Variants in SLC24A1 observed in about 807,000 individuals in gnomAD.
The protein encoded by SLC24A1 is sodium/potassium/calcium exchanger 1.
Under a neutral mutation model 88.1 loss-of-function variants are expected in SLC24A1, and 52 were observed. The ratio of observed to expected loss-of-function variants is 0.59; its 90% CI spans 0.47 to 0.74. The LOEUF (loss-of-function observed/expected upper bound fraction) is 0.74, where lower values mean the gene tolerates loss of function less well. SLC24A1 is among the 30% of genes least tolerant of loss of function. SLC24A1 has a pLI of 0.00. For missense variants in SLC24A1, 1,173 were observed against 1,363.3 expected, an observed-to-expected ratio of 0.86 and a Z score of 2.20; for synonymous variants, 455 against 498.0, an observed-to-expected ratio of 0.91 and a Z score of 1.15.
At chr15:65,622,850 T>G (rs2074367102) in intron 1 of SLC24A1, among the ~76,000 whole-genome samples, 1 of 152,090 alleles carries the variant, frequency 6.6e-6, no homozygotes, top group African/African-American at 2.4e-5. Flanking sequence ...CAAGCAATTC[T>G]CCTGTCTCAG....
chr15:65,653,104 G>C (rs1469202267), intron 9 of SLC24A1, among the ~76,000 whole-genome samples: 2 of 152,192 alleles, frequency 1.3e-5, no homozygotes, highest in South Asian at 4.1e-4. Flanking sequence ...TGACTTTCAA[G>C]GCGGTGGAGG....
rs2075447430 is a variant in SLC24A1 at position 65,650,174 on chromosome 15, C to T, written c.2233-208C>T. Among the ~76,000 whole-genome samples the T allele has an allele frequency of 6.6e-6, 1 of 152,158 alleles. No homozygotes were observed. Among genetic ancestry groups the T allele is most frequent in the Non-Finnish European group, 1.5e-5 (1 of 68,034 alleles). Reference sequence around the variant, plus strand: ...GCTGCTTCAGGTGGTGAGCTTTCCACCCCTGGAAATGATCAAATAAAAGCT... The same window carrying T: ...GCTGCTTCAGGTGGTGAGCTTTCCATCCCTGGAAATGATCAAATAAAAGCT... On this transcript the variant is annotated intron_variant, in intron 6 of 9. Transcript: ENST00000261892. The surrounding 1 kb of genome is among the most constrained non-coding windows in gnomAD (Gnocchi z 4.1).
chr15:65,624,146 G>A lies in SLC24A1; in HGVS notation c.66G>A (p.Trp22Ter). ...RWLLRTKRLH[W>*]SRLLFLLGML... is the part of the protein sequence containing the mutation. ...TACTCCGGACAAAGCGGCTTCATTGGAGTCGCCTCCTCTTCTTACTGGGAA... is the reference window on the plus strand; with the variant it reads ...TACTCCGGACAAAGCGGCTTCATTGAAGTCGCCTCCTCTTCTTACTGGGAA... The change falls in exon 2 of 10, where the codon TGG (tryptophan) becomes TGA (stop). Residue 22 changes from tryptophan (W) to a stop codon, truncating the protein, a stop_gained. Transcript: ENST00000261892. LOFTEE classifies it high-confidence loss of function. 6.2e-7 allele frequency: 1 copy of A among 1,613,588 alleles called. No individual in the cohort carries two copies. The highest frequency in any genetic ancestry group is 8.5e-7 in the Non-Finnish European group (1 of 1,179,766).
chr15:65,638,940 T>G (rs998379276), intron 3 of SLC24A1, among the ~76,000 whole-genome samples: 10 of 152,206 alleles, frequency 6.6e-5, no homozygotes, highest in African/African-American at 2.4e-4. Flanking sequence ...GTGTCACATC[T>G]GTGTCTGTAC....
chr15:65,613,592 C>T (rs1596288505), intron 2 of SLC24A1, among the ~76,000 whole-genome samples: 1 of 152,082 alleles, frequency 6.6e-6, no homozygotes, highest in Non-Finnish European at 1.5e-5. Context: ...AAGCAATCCC[C>T]CCCAACCTCA....
chr15:65,613,480 T>TG (rs2074036704), intron 2 of SLC24A1, among the ~76,000 whole-genome samples: 2 of 149,018 alleles, frequency 1.3e-5, no homozygotes, highest in African/African-American at 4.9e-5. Context: ...CAGGGTGATT[T>TG]TGTGTGTGTG....
At chr15:65,657,632 A>C (rs530439230), downstream of SLC24A1, among the ~76,000 whole-genome samples, 3 of 152,134 alleles carry the variant, frequency 2.0e-5, no homozygotes, top group African/African-American at 7.2e-5. Context: ...CAACAGCGAG[A>C]CTCCGTCTCA....
At chr15:65,614,494 A>G (rs1390669686) in intron 2 of SLC24A1, among the ~76,000 whole-genome samples, 3 of 152,200 alleles carry the variant, frequency 2.0e-5, no homozygotes, top group South Asian at 2.1e-4. Context: ...ATCCGTTGCT[A>G]TATCTCAGAA....
intron 6 of SLC24A1, among the ~76,000 whole-genome samples, chr15:65,647,335 G>A (rs1026695738): frequency 3.3e-5 from 5 of 151,886 alleles, no homozygotes; most frequent in South Asian, 2.1e-4. Context: ...AAAATTAGCC[G>A]GGTGTGGTGG....
In SLC24A1 at chr15:65,650,735, G is replaced by C. The variant is rs1272298904; in HGVS notation, c.2586G>C (p.Glu862Asp). The C allele has an allele frequency of 6.9e-6, 11 of 1,587,850 alleles. No individual in the cohort carries two copies. Among genetic ancestry groups the C allele is most frequent in the Middle Eastern group, 1.7e-4 (1 of 6,028 alleles). ...GGSDGGDSEEEEEEEEEQEEE... is the reference protein window; with the variant it reads ...GGSDGGDSEEDEEEEEEQEEE... ...GTGATGGAGGGGATAGCGAAGAGGAGGAAGAGGAGGAGGAAGAGCAGGAGG... is the reference window on the plus strand; with the variant it reads ...GTGATGGAGGGGATAGCGAAGAGGACGAAGAGGAGGAGGAAGAGCAGGAGG... Residue 862 changes from glutamate (E) to aspartate (D), a missense_variant, in exon 7 of 10, where the codon GAG becomes GAC. Glu to Asp is a conservative substitution (Grantham distance 45, BLOSUM62 2). Coordinates refer to ENST00000261892, the MANE Select transcript of SLC24A1 (RefSeq NM_004727.3). This position sits in a 1 kb window ranked among gnomAD's most constrained non-coding sequence, Gnocchi z 4.1.
chr15:65,638,017 T>C, intron 2 of SLC24A1, 111 bp from the exon 3 acceptor site: 1 of 750,446 alleles, frequency 1.3e-6, no homozygotes. Flanking sequence ...GACCAGGTTA[T>C]CTCGGAGTGT....
chr15:65,640,177 C>T (rs2075078085), intron 4 of SLC24A1, among the ~76,000 whole-genome samples: 1 of 152,132 alleles, frequency 6.6e-6, no homozygotes, highest in Non-Finnish European at 1.5e-5. Context: ...CCCAGAAGTT[C>T]TTAGTGGCAC....
intron 8 of SLC24A1, 68 bp downstream of exon 8, chr15:65,651,827 C>T (rs1323059139): frequency 2.5e-6 from 2 of 808,600 alleles, no homozygotes; most frequent in South Asian, 1.4e-5. Flanking sequence ...CAGGATCAAT[C>T]TCCGGTACTC....
chr15:65,652,970 A>G (rs987039352), intron 9 of SLC24A1, 162 bp downstream of exon 9: 9 of 543,400 alleles, frequency 1.7e-5, no homozygotes, highest in Admixed American at 3.6e-5. Context: ...TTCATTCATC[A>G]TAGCCAGATG....
chr15:65,618,658 T>C (rs972298324), upstream of SLC24A1, among the ~76,000 whole-genome samples: 1 of 152,210 alleles, frequency 6.6e-6, no homozygotes, highest in African/African-American at 2.4e-5. Flanking sequence ...GCACTGGGTG[T>C]TATTTAAATT....
chr15:65,631,762 ACCGCG>A (rs2074733843), intron 2 of SLC24A1, among the ~76,000 whole-genome samples: 1 of 151,314 alleles, frequency 6.6e-6, no homozygotes. Context: ...AATGGCAAAA[ACCGCG>A]ATTACTTTTG....
At chr15:65,623,092 G>A (rs2074376395) in intron 1 of SLC24A1, among the ~76,000 whole-genome samples, 1 of 152,032 alleles carries the variant, frequency 6.6e-6, no homozygotes, top group African/African-American at 2.4e-5. Flanking sequence ...CTGTGACACT[G>A]TTATTATTCA....
At chr15:65,660,140 T>C, downstream of SLC24A1, 2 of 605,246 alleles carry the variant, frequency 3.3e-6, no homozygotes, top group South Asian at 2.0e-5. Context: ...TGGATCTGAA[T>C]AGTAAAGAAT....
rs3743171 is a variant in SLC24A1 at position 65,624,189 on chromosome 15, A to T, written c.109A>T (p.Thr37Ser). The T allele has an allele frequency of 0.21, 335,280 of 1,613,544 alleles. 42,976 individuals are homozygous for T. Among genetic ancestry groups the T allele is most frequent in the East Asian group, 0.71 (31,628 of 44,844 alleles). The change falls in exon 2 of 10, where the codon ACT becomes TCT. Residue 37 changes from threonine (T) to serine (S), a missense_variant. Physicochemically the swap from Thr to Ser is moderately conservative, Grantham distance 58. Coordinates refer to ENST00000261892, the MANE Select transcript of SLC24A1 (RefSeq NM_004727.3). ...ACTGGGAATGTTGATCATCGGTTCTACTTATCAGCACCTTAGGAGACCCCG... is the reference window on the plus strand; with the variant it reads ...ACTGGGAATGTTGATCATCGGTTCTTCTTATCAGCACCTTAGGAGACCCCG... ...FLLGMLIIGS[T>S]YQHLRRPRGL...
Sources: gnomAD v4.1 joint callset for allele counts (sites outside exome capture counted in the v4.1 genomes callset) on GRCh38, gnomAD v4.1.1 for gene constraint, Gnocchi (gnomAD v3.1) non-coding constraint, MANE v1.5 for transcripts, NCBI Gene and HGNC (gene_info 2026-07-23, HGNC 2026-07-21) for gene names.